ZFAND3: variants seen among roughly 807,000 people sequenced by gnomAD.
ZFAND3 encodes AN1-type zinc finger protein 3.
Under a neutral mutation model 29.6 loss-of-function variants are expected in ZFAND3, and 10 were observed. That is an observed-to-expected ratio of 0.34 (90% confidence interval 0.21 to 0.57). ZFAND3 has a LOEUF of 0.57. Among genes scored for constraint, ZFAND3 ranks in the 20% least tolerant of loss-of-function variants. The probability of loss-of-function intolerance (pLI) is 0.86; values close to 1 mark genes in which losing one functional copy is unlikely to be tolerated. For synonymous variants in ZFAND3, 128 were observed against 112.6 expected (o/e 1.14, Z -0.87); for missense variants, 230 against 304.5 (o/e 0.76, Z 1.82).
At chr6:37,900,135 G>C (rs920897526) in intron 1 of ZFAND3, among the ~76,000 whole-genome samples, 5 of 152,032 alleles carry the variant, frequency 3.3e-5, no homozygotes, top group African/African-American at 1.2e-4. Context: ...TACCAATCTT[G>C]TTTTAACTGT....
In ZFAND3 at chr6:37,870,691, T is replaced by G. The variant is rs77732308; in HGVS notation, c.71+50675T>G. ...TTAACTAAGAAATTAGTAATTCTTT[T>G]GTGAATGAATGAGACAGGGTCTTGT... On this transcript the variant is annotated intron_variant, in intron 1 of 5. Coordinates refer to ENST00000287218, the MANE Select transcript of ZFAND3 (RefSeq NM_021943.3). Among the ~76,000 whole-genome samples the G allele has an allele frequency of 0.017, 2,577 of 152,204 alleles. 249 individuals carry two copies. The East Asian group carries it at 0.28, about 16-fold the overall frequency.
At chr6:38,013,584 T>G (rs764251107) in intron 2 of ZFAND3, among the ~76,000 whole-genome samples, 1 of 152,220 alleles carries the variant, frequency 6.6e-6, no homozygotes, top group South Asian at 2.1e-4. Flanking sequence ...CAGTTTGTGA[T>G]GTAATGGTAT....
intron 1 of ZFAND3, among the ~76,000 whole-genome samples, chr6:37,863,110 G>A (rs1484894116): frequency 6.6e-6 from 1 of 152,122 alleles, no homozygotes; most frequent in East Asian, 1.9e-4. Context: ...TGATTCCTGC[G>A]CTGACACTTT....
chr6:38,069,269 AAT>A (rs1764406451), intron 3 of ZFAND3, among the ~76,000 whole-genome samples: 1 of 152,226 alleles, frequency 6.6e-6, no homozygotes, highest in African/African-American at 2.4e-5. Flanking sequence ...CCTATTAAAA[AAT>A]ATTTTATGAC....
intron 2 of ZFAND3, among the ~76,000 whole-genome samples, chr6:37,999,776 G>A (rs187237593): frequency 6.6e-6 from 1 of 152,318 alleles, no homozygotes; most frequent in East Asian, 1.9e-4. Flanking sequence ...TCCTGGATGA[G>A]ATCCTGGAAT....
At chr6:38,034,450 A>G (rs1421042373) in intron 2 of ZFAND3, among the ~76,000 whole-genome samples, 16 of 152,284 alleles carry the variant, frequency 1.1e-4, no homozygotes, top group Non-Finnish European at 2.1e-4. Context: ...AAGTATTTGC[A>G]TTTCCAGTTC....
intron 1 of ZFAND3, among the ~76,000 whole-genome samples, chr6:37,918,976 C>T (rs1261018872): frequency 3.3e-5 from 2 of 60,966 alleles, no homozygotes; most frequent in Non-Finnish European, 5.7e-5. Context: ...TTTTTTGAGA[C>T]GGAGTCTCGC....
intron 1 of ZFAND3, among the ~76,000 whole-genome samples, chr6:37,834,808 C>CA (rs1763935836): frequency 6.8e-6 from 1 of 147,310 alleles, no homozygotes; most frequent in East Asian, 2.0e-4. Context: ...GATATATGCT[C>CA]ATATGCATAT....
intron 2 of ZFAND3, among the ~76,000 whole-genome samples, chr6:37,969,006 A>AGTTG (rs1321639897): frequency 6.6e-6 from 1 of 152,330 alleles, no homozygotes; most frequent in East Asian, 1.9e-4. Flanking sequence ...CCACAAACCT[A>AGTTG]GTTGGTGTAG....
intron 4 of ZFAND3, among the ~76,000 whole-genome samples, chr6:38,104,641 C>G (rs962463658): frequency 2.0e-5 from 3 of 151,970 alleles, no homozygotes; most frequent in African/African-American, 7.3e-5. Flanking sequence ...AGAGAGTTAG[C>G]AGGAGTGGAA....
chr6:37,998,746 T>A (rs1333315028), intron 2 of ZFAND3, among the ~76,000 whole-genome samples: 1 of 152,186 alleles, frequency 6.6e-6, no homozygotes, highest in Non-Finnish European at 1.5e-5. Flanking sequence ...GAAGCCAGAT[T>A]TCTCATTGTT....
chr6:38,145,213 G>A (rs1450159619), intron 5 of ZFAND3, among the ~76,000 whole-genome samples: 1 of 152,174 alleles, frequency 6.6e-6, no homozygotes, highest in Non-Finnish European at 1.5e-5. Context: ...ACCAGCGGAC[G>A]CTACTTGACT....
intron 1 of ZFAND3, among the ~76,000 whole-genome samples, chr6:37,914,103 A>G (rs758593600): frequency 7.9e-5 from 12 of 152,162 alleles, no homozygotes; most frequent in Admixed American, 7.2e-4. Flanking sequence ...GGGCTACAGA[A>G]TGAATGTTGT....
chr6:37,974,403 T>TC (rs1037746391), intron 2 of ZFAND3, among the ~76,000 whole-genome samples: 14 of 43,402 alleles, frequency 3.2e-4, no homozygotes, highest in Non-Finnish European at 4.5e-4. Context: ...TCTCTCTCTC[T>TC]TTTTTTTTTT....
At chr6:38,042,639 T>C (rs1370023370) in intron 2 of ZFAND3, among the ~76,000 whole-genome samples, 6 of 152,154 alleles carry the variant, frequency 3.9e-5, no homozygotes, top group Non-Finnish European at 7.4e-5. Context: ...ACCTCTCTTT[T>C]AAAGGAAATT....
chr6:37,881,833 G>C (rs555125133), intron 1 of ZFAND3, among the ~76,000 whole-genome samples: 1 of 151,840 alleles, frequency 6.6e-6, no homozygotes, highest in East Asian at 1.9e-4. Flanking sequence ...TTTGTATTTA[G>C]AATTTCAACA....
chr6:37,824,848 G>A (rs538366591), intron 1 of ZFAND3, among the ~76,000 whole-genome samples: 2 of 152,280 alleles, frequency 1.3e-5, no homozygotes, highest in Admixed American at 6.5e-5. Context: ...AAATTGGCTG[G>A]ATAAAAGATG....
intron 2 of ZFAND3, among the ~76,000 whole-genome samples, chr6:37,959,619 A>G (rs1762158932): frequency 6.6e-6 from 1 of 152,242 alleles, no homozygotes; most frequent in South Asian, 2.1e-4. Flanking sequence ...ATATTTGAAT[A>G]TACAAGAATT....
chr6:38,144,565 C>G (rs887472104), intron 5 of ZFAND3, among the ~76,000 whole-genome samples: 6 of 152,350 alleles, frequency 3.9e-5, no homozygotes, highest in African/African-American at 1.4e-4. Context: ...GTGCTGCCAC[C>G]TCGGGCTGCA....
Sources: allele counts gnomAD v4.1 joint callset (sites outside exome capture counted in the v4.1 genomes callset), GRCh38; gene constraint gnomAD v4.1.1; transcripts MANE v1.5; gene names NCBI Gene and HGNC (gene_info 2026-07-23, HGNC 2026-07-21).